Variants in PLCH1 observed in about 807,000 individuals in gnomAD.
PLCH1 encodes phospholipase C eta 1, also known as 1-phosphatidylinositol 4,5-bisphosphate phosphodiesterase eta-1.
PLCH1 carries 60 observed loss-of-function variants against 126.7 expected under a neutral mutation model. That is an observed-to-expected ratio of 0.47 (90% CI 0.38 to 0.59). The LOEUF is 0.59. Among genes scored for constraint, PLCH1 ranks in the 20% least tolerant of loss-of-function variants. The pLI, the probability that PLCH1 is intolerant of heterozygous loss-of-function variation, is 0.00. For synonymous variants in PLCH1, 719 were observed against 734.9 expected, an observed-to-expected ratio of 0.98 and a Z score of 0.35; for missense variants, 1,723 against 2,040.0, an observed-to-expected ratio of 0.84 and a Z score of 2.99.
At chr3:155,599,822 C>A (rs1263428672) in intron 2 of PLCH1, among the ~76,000 whole-genome samples, 6 of 152,184 alleles carry the variant, frequency 3.9e-5, no homozygotes, top group Admixed American at 6.5e-5. Flanking sequence ...GTTTTGTTCA[C>A]AATCCCTTTC....
chr3:155,722,275 T>C (rs1304864401), intron 1 of PLCH1, among the ~76,000 whole-genome samples: 1 of 152,062 alleles, frequency 6.6e-6, no homozygotes, highest in Non-Finnish European at 1.5e-5. Flanking sequence ...GCAATTCTCC[T>C]GCTTTAGCCT....
intron 2 of PLCH1, among the ~76,000 whole-genome samples, chr3:155,666,690 A>G (rs1742758851): frequency 6.6e-6 from 1 of 152,218 alleles, no homozygotes; most frequent in Non-Finnish European, 1.5e-5. Flanking sequence ...GGTACTCATT[A>G]AAATTAGCTA....
chr3:155,657,304 T>C (rs1741521104), intron 2 of PLCH1, among the ~76,000 whole-genome samples: 1 of 152,116 alleles, frequency 6.6e-6, no homozygotes, highest in South Asian at 2.1e-4. Flanking sequence ...GGAGAGATTT[T>C]CCAGACTATA....
At chr3:155,476,328 C>T (rs1713544953), downstream of PLCH1, among the ~76,000 whole-genome samples, 1 of 152,096 alleles carries the variant, frequency 6.6e-6, no homozygotes, top group Admixed American at 6.5e-5. Context: ...AGACCCACAG[C>T]TAGTATCATA....
intron 2 of PLCH1, among the ~76,000 whole-genome samples, chr3:155,689,551 T>A (rs1350336105): frequency 6.6e-6 from 1 of 152,062 alleles, no homozygotes; most frequent in Non-Finnish European, 1.5e-5. Flanking sequence ...GAGAAGGAAC[T>A]CAGAATTCTA....
At position 155,497,480 on chromosome 3, in the gene PLCH1, T is replaced by C. The variant is rs1717219725; in HGVS notation, c.1797-63A>G. On this transcript the variant is annotated intron_variant, in intron 14 of 22. Coordinates refer to ENST00000460012, the MANE Select transcript of PLCH1 (RefSeq NM_014996.4). ...GTTGAAAGAGGTTTGGGTTCTTGGT[T>C]ATCCCACTTTCCTTATTTAAGACAA... 4 of 1,111,538 alleles carry C rather than the reference T, an allele frequency of 3.6e-6. No individual in the cohort carries two copies. The East Asian group carries it at 9.4e-5, about 26-fold the overall frequency. The allele number at this position is 1,111,538 out of a possible 1,614,324, so 68.9% of individuals were successfully genotyped here. A position where few individuals can be genotyped will look rare whatever the true frequency, so the allele number is the denominator to read the frequency against.
At chr3:155,744,405 C>T (rs758600555) in intron 1 of PLCH1, among the ~76,000 whole-genome samples, 1 of 152,194 alleles carries the variant, frequency 6.6e-6, no homozygotes, top group Non-Finnish European at 1.5e-5. Context: ...CCAAGTGTAA[C>T]GGACGCTGCA....
At position 155,504,687 on chromosome 3, in the gene PLCH1, T is replaced by C. The variant is rs148466496; in HGVS notation, c.1633-61A>G. ...TCTTTGCTTTTGTCTTTTTCCTTAGTTCTGGTGGAATAGCAAGGGGGCCCT... is the reference window on the plus strand; with the variant it reads ...TCTTTGCTTTTGTCTTTTTCCTTAGCTCTGGTGGAATAGCAAGGGGGCCCT... On this transcript the variant is annotated intron_variant, in intron 12 of 22. Transcript: ENST00000460012. The C allele has an allele frequency of 2.1e-5, 25 of 1,203,864 alleles. No homozygotes were observed. The East Asian group carries it at 4.0e-4, about 19-fold the overall frequency. The allele number at this position is 1,203,864 out of a possible 1,614,324, so 74.6% of individuals were successfully genotyped here. A position where few individuals can be genotyped will look rare whatever the true frequency, so the allele number is the denominator to read the frequency against.
intron 3 of PLCH1, 28 bp from the exon 4 acceptor site, chr3:155,594,212 T>C: frequency 6.3e-7 from 1 of 1,595,920 alleles, no homozygotes; most frequent in Non-Finnish European, 8.6e-7. Context: ...TACACACAGT[T>C]ATACAGCAGG....
At chr3:155,607,509 C>T (rs61042393) in intron 2 of PLCH1, among the ~76,000 whole-genome samples, 7,991 of 151,856 alleles carry the variant, frequency 0.053, 435 homozygotes, top group African/African-American at 0.13. Context: ...GGTGTGATCA[C>T]GGCTCACTGC....
chr3:155,583,079 A>G (rs1445208866), intron 6 of PLCH1, among the ~76,000 whole-genome samples: 1 of 150,104 alleles, frequency 6.7e-6, no homozygotes, highest in African/African-American at 2.4e-5. Context: ...TTATATTTAA[A>G]ATAAATAAAT....
rs1725288874 is a variant in PLCH1 at position 155,546,402 on chromosome 3, T to C, written c.1362+3385A>G. On this transcript the variant is annotated intron_variant, in intron 10 of 22. Coordinates refer to ENST00000460012, the MANE Select transcript of PLCH1 (RefSeq NM_014996.4). ...GGAAATTAAAGAGGATACAAACAAA[T>C]GGAAGAACATTCCATGCTCATGGGT... is the stretch of plus-strand genomic sequence containing the variant. Among the ~76,000 whole-genome samples the C allele has an allele frequency of 2.0e-5, 3 of 152,216 alleles. No individual in the cohort carries two copies. In the South Asian group the frequency reaches 6.2e-4, roughly 32 times the overall value.
rs184781980 is a variant in PLCH1 at position 155,607,904 on chromosome 3, G to A, written c.80-11526C>T. Among the ~76,000 whole-genome samples the A allele has an allele frequency of 3.9e-5, 6 of 152,280 alleles. No homozygotes were observed. In the East Asian group the frequency reaches 1.2e-3, roughly 29 times the overall value. ...AAGAACCACTGCAGGAATGTGCCAG[G>A]AAGAGAAAGAGTTCACAGATCCTGT... On this transcript the variant is annotated intron_variant, in intron 2 of 22. Transcript: ENST00000460012.
Position 155,617,003 on chromosome 3 carries a change from G to A in PLCH1, c.80-20625C>T, listed in dbSNP as rs1289174917. On this transcript the variant is annotated intron_variant, in intron 2 of 22. Transcript: ENST00000460012. ...TAATTAATTTAATTTAAATCACATG[G>A]AAAACATTGTCAAGTATAAAATAGT... Among the ~76,000 whole-genome samples, 3 of 152,074 alleles carry A rather than the reference G, an allele frequency of 2.0e-5. No homozygotes were observed. In the South Asian group the frequency reaches 6.2e-4, roughly 32 times the overall value.
intron 2 of PLCH1, among the ~76,000 whole-genome samples, chr3:155,676,887 G>C (rs1390922935): frequency 1.3e-5 from 2 of 152,078 alleles, no homozygotes; most frequent in African/African-American, 4.8e-5. Context: ...TAGACAGCAT[G>C]AATGGGTCTA....
Position 155,451,979 on chromosome 3 carries a change from T to A in PLCH1, c.2938+33377A>T, listed in dbSNP as rs765647857. ...CATAATCACATCAGCCCATTCCTTA[T>A]AATAAATCTCTCTCAATCCCTCTCT... On this transcript the variant is annotated intron_variant, in intron 21 of 21. Coordinates refer to the PLCH1 transcript ENST00000494598. 2.6e-5 allele frequency among the ~76,000 whole-genome samples: 4 copies of A among 152,164 alleles called. No homozygotes were observed. In the East Asian group the frequency reaches 7.7e-4, roughly 29 times the overall value.
intron 2 of PLCH1, among the ~76,000 whole-genome samples, chr3:155,639,864 TAGTG>T (rs1303455434): frequency 6.6e-6 from 1 of 150,406 alleles, no homozygotes; most frequent in Non-Finnish European, 1.5e-5. Flanking sequence ...GTTCTCAGGA[TAGTG>T]AGTGAGTTCT....
At chr3:155,641,194 TA>T (rs567719881) in intron 2 of PLCH1, among the ~76,000 whole-genome samples, 2,703 of 142,336 alleles carry the variant, frequency 0.019, 60 homozygotes, top group African/African-American at 0.055. Context: ...TTTTCAACGT[TA>T]AAAAAAAAAA....
intron 2 of PLCH1, among the ~76,000 whole-genome samples, chr3:155,632,537 A>T (rs977495834): frequency 6.6e-6 from 1 of 152,214 alleles, no homozygotes; most frequent in Non-Finnish European, 1.5e-5. Context: ...TATTGAGATG[A>T]CTAGGCCTAT....
Sources: allele counts gnomAD v4.1 joint callset (sites outside exome capture counted in the v4.1 genomes callset), GRCh38; gene constraint gnomAD v4.1.1; transcripts MANE v1.5; gene names NCBI Gene and HGNC (gene_info 2026-07-23, HGNC 2026-07-21).